ADAM17: variants seen among roughly 807,000 people sequenced by gnomAD.
The protein encoded by ADAM17 is ADAM metallopeptidase domain 17, also known as disintegrin and metalloproteinase domain-containing protein 17.
Under a neutral mutation model 96.7 loss-of-function variants are expected in ADAM17, and 39 were observed. That is an observed-to-expected ratio of 0.40 (90% CI 0.31 to 0.53). ADAM17 has a LOEUF of 0.53. Ranked by LOEUF, ADAM17 falls within the 20% of genes least tolerant of loss-of-function variation. The probability of loss-of-function intolerance (pLI) is 0.44; values close to 1 mark genes in which losing one functional copy is unlikely to be tolerated. For synonymous variants in ADAM17, 344 were observed against 359.2 expected, an observed-to-expected ratio of 0.96 and a Z score of 0.48; for missense variants, 777 against 1,013.2, an observed-to-expected ratio of 0.77 and a Z score of 3.17.
At chr2:9,518,960 CA>C (rs1234299446) in intron 8 of ADAM17, among the ~76,000 whole-genome samples, 3 of 152,004 alleles carry the variant, frequency 2.0e-5, no homozygotes, top group African/African-American at 7.3e-5. Context: ...GGCTGGAATG[CA>C]GTGACGCAAT....
At chr2:9,542,841 G>T (rs549772500) in intron 2 of ADAM17, among the ~76,000 whole-genome samples, 1 of 152,220 alleles carries the variant, frequency 6.6e-6, no homozygotes, top group Admixed American at 6.5e-5. Flanking sequence ...GGGATTACAG[G>T]CACGTGTCAC....
chr2:9,545,157 A>T lies in ADAM17; in HGVS notation c.98-1872T>A, dbSNP rs1005655477. ...CATCATCATCAACTGGGAATTTGTTAAAAATGCAAATGCTCAGGTCTCCCC... is the reference window on the plus strand; with the variant it reads ...CATCATCATCAACTGGGAATTTGTTTAAAATGCAAATGCTCAGGTCTCCCC... On this transcript the variant is annotated intron_variant, in intron 1 of 18. Coordinates refer to ENST00000310823, the MANE Select transcript of ADAM17 (RefSeq NM_003183.6). Among the ~76,000 whole-genome samples the T allele has an allele frequency of 3.3e-5, 5 of 152,216 alleles. 1 individual carries two copies. The highest frequency in any genetic ancestry group is 2.6e-4 in the Admixed American group (4 of 15,280).
At chr2:9,538,461 G>A (rs1384011774) in intron 2 of ADAM17, among the ~76,000 whole-genome samples, 1 of 152,072 alleles carries the variant, frequency 6.6e-6, no homozygotes, top group African/African-American at 2.4e-5. Flanking sequence ...TAAATCCTTG[G>A]AACATTTTCT....
intron 2 of ADAM17, among the ~76,000 whole-genome samples, chr2:9,537,923 GAGGAGAGGGGGAGGAGAGGGGA>G: frequency 2.5e-5 from 1 of 39,226 alleles, no homozygotes; most frequent in African/African-American, 1.1e-4. Context: ...GAGGAGAGGG[GAGGAGAGGGGGAGGAGAGGGGA>G]AGGGGAGGGG....
intron 10 of ADAM17, among the ~76,000 whole-genome samples, chr2:9,510,902 A>G (rs2125009051): frequency 6.6e-6 from 1 of 152,364 alleles, no homozygotes; most frequent in East Asian, 1.9e-4. Context: ...GTAGGATTTT[A>G]TTTAATACTA....
At chr2:9,541,285 G>C (rs913841206) in intron 2 of ADAM17, among the ~76,000 whole-genome samples, 22 of 152,084 alleles carry the variant, frequency 1.4e-4, no homozygotes, top group African/African-American at 4.8e-4. Flanking sequence ...ATTTTGGGTC[G>C]GGCACGGTGG....
At chr2:9,539,366 C>T (rs1280419049) in intron 2 of ADAM17, among the ~76,000 whole-genome samples, 2 of 152,104 alleles carry the variant, frequency 1.3e-5, no homozygotes, top group African/African-American at 2.4e-5. Context: ...CCATCCAGCT[C>T]GGCCTCCCAA....
At chr2:9,542,791 T>C (rs1572957353) in intron 2 of ADAM17, among the ~76,000 whole-genome samples, 1 of 152,120 alleles carries the variant, frequency 6.6e-6, no homozygotes, top group Non-Finnish European at 1.5e-5. Context: ...TCCACCTCCC[T>C]GGTTCAAGTG....
Position 9,489,724 on chromosome 2 carries a change from G to GAAA in ADAM17, c.*452_*453insTTT, listed in dbSNP as rs1661936439. 1 of 45,692 alleles carries GAAA rather than the reference G, an allele frequency of 2.2e-5. No individual in the cohort carries two copies. Among genetic ancestry groups the GAAA allele is most frequent in the African/African-American group, 1.2e-4 (1 of 8,414 alleles). The allele number at this position is 45,692 out of a possible 1,614,324, so 2.8% of individuals were successfully genotyped here. On this transcript the variant is annotated 3_prime_UTR_variant, in exon 19 of 19. Coordinates refer to ENST00000310823, the MANE Select transcript of ADAM17 (RefSeq NM_003183.6). ...TTATCTCCTTTGTTTTTAGTTGAAG[G>GAAA]CAAAAAAAAAAAAAAAAAAAAAAAA... is the stretch of plus-strand genomic sequence containing the variant.
intron 3 of ADAM17, 105 bp downstream of exon 3, chr2:9,536,593 C>G (rs1426939121): frequency 8.9e-6 from 13 of 1,466,534 alleles, no homozygotes; most frequent in Admixed American, 2.3e-5. Flanking sequence ...ACTTCTATGA[C>G]ACCCCGTCCC....
chr2:9,554,975 C>A (rs1665695776), intron 1 of ADAM17, among the ~76,000 whole-genome samples: 1 of 152,104 alleles, frequency 6.6e-6, no homozygotes, highest in African/African-American at 2.4e-5. Flanking sequence ...TTAGGATGTT[C>A]GCAAAAACAC....
chr2:9,490,183 CTCTGTTTCTTTGCTGTCAACACGAT>C lies in ADAM17; in HGVS notation c.2444_2468del (p.Asn815SerfsTer31), dbSNP rs752756380. Reference sequence around the variant, plus strand: ...AGAAGAGCTGAGAACTAAATTAGCACTCTGTTTCTTTGCTGTCAACACGATTCTGACGCTGCAGTTTAAAGGAGGC... The same window carrying C: ...AGAAGAGCTGAGAACTAAATTAGCACTCTGACGCTGCAGTTTAAAGGAGGC... On this transcript the variant is annotated frameshift_variant, in exon 19 of 19. Transcript: ENST00000310823. LOFTEE classifies it high-confidence loss of function. 5 of 1,592,354 alleles carry C rather than the reference CTCTGTTTCTTTGCTGTCAACACGAT, an allele frequency of 3.1e-6. No homozygotes were observed. The highest frequency in any genetic ancestry group is 4.3e-6 in the Non-Finnish European group (5 of 1,162,256).
At position 9,497,167 on chromosome 2, in the gene ADAM17, T is replaced by C. The variant is rs774751396; in HGVS notation, c.1730A>G (p.Lys577Arg). Residue 577 changes from lysine to arginine, a missense_variant, in exon 14 of 19, where the codon AAA (lysine) becomes AGA (arginine). Coordinates refer to ENST00000310823, the MANE Select transcript of ADAM17 (RefSeq NM_003183.6). ...TTCCCTCTCGCAGAAAGGGATGCAT[T>C]TCCCATCCTTACACTTGCCAAGATC... Reference protein sequence around the residue: ...CLDLGKCKDGKCIPFCEREQQ... With the variant: ...CLDLGKCKDGRCIPFCEREQQ... 6.2e-7 allele frequency: 1 copy of C among 1,614,220 alleles called. No individual in the cohort carries two copies. The highest frequency in any genetic ancestry group is 8.5e-7 in the Non-Finnish European group (1 of 1,180,042).
chr2:9,528,942 C>T (rs1056718065), intron 4 of ADAM17, among the ~76,000 whole-genome samples: 5 of 152,188 alleles, frequency 3.3e-5, no homozygotes, highest in African/African-American at 1.2e-4. Context: ...CAATTCTGCT[C>T]CTAGTATATA....
intron 5 of ADAM17, among the ~76,000 whole-genome samples, chr2:9,526,547 G>A (rs1313342544): frequency 1.3e-5 from 2 of 151,860 alleles, no homozygotes; most frequent in African/African-American, 2.4e-5. Context: ...TGTAATCCCA[G>A]CACTTTGCGA....
intron 4 of ADAM17, among the ~76,000 whole-genome samples, chr2:9,530,236 AT>A (rs897279490): frequency 6.6e-6 from 1 of 151,828 alleles, no homozygotes; most frequent in African/African-American, 2.4e-5. Flanking sequence ...TAGGAGTGAA[AT>A]TTTTTTTCTT....
Position 9,526,242 on chromosome 2 carries a change from G to A in ADAM17, c.622C>T (p.Leu208Phe). Reference sequence around the variant, plus strand: ...GCTCTTCTTTTCACTCGATGAACAAGCTCTAATATGAATTTGTATGCACTA... The same window carrying A: ...GCTCTTCTTTTCACTCGATGAACAAACTCTAATATGAATTTGTATGCACTA... ...GLVDREPPEE[L>F]VHRVKRRADP... The change falls in exon 6 of 19, where the codon CTT (leucine) becomes TTT (phenylalanine). Residue 208 changes from leucine to phenylalanine, a missense_variant and splice_region_variant. Coordinates refer to ENST00000310823, the MANE Select transcript of ADAM17 (RefSeq NM_003183.6). The A allele has an allele frequency of 6.2e-7, 1 of 1,612,768 alleles. No individual in the cohort carries two copies. The highest frequency in any genetic ancestry group is 8.5e-7 in the Non-Finnish European group (1 of 1,179,618).
intron 12 of ADAM17, among the ~76,000 whole-genome samples, chr2:9,504,271 TC>T (rs1486249040): frequency 1.4e-5 from 2 of 145,592 alleles, no homozygotes; most frequent in East Asian, 4.2e-4. Context: ...ATGCTAAAAC[TC>T]CGTCTCTACT....
Position 9,516,356 on chromosome 2 carries a change from C to T in ADAM17, c.1191+1545G>A, listed in dbSNP as rs572750852. ...CTCCTGCCTCGGCCTCCCAAAGTGC[C>T]GAAGATTATAGGAATGAGCCACCAT... On this transcript the variant is annotated intron_variant, in intron 10 of 18. Transcript: ENST00000310823. Among the ~76,000 whole-genome samples, 6 of 152,174 alleles carry T rather than the reference C, an allele frequency of 3.9e-5. No homozygotes were observed. The South Asian group carries it at 1.2e-3, about 32-fold the overall frequency.
Sources: gnomAD v4.1 joint callset for allele counts (sites outside exome capture counted in the v4.1 genomes callset) on GRCh38, gnomAD v4.1.1 for gene constraint, MANE v1.5 for transcripts, NCBI Gene and HGNC (gene_info 2026-07-23, HGNC 2026-07-21) for gene names.